PLSCR4: variants seen among roughly 807,000 people sequenced by gnomAD.
The protein encoded by PLSCR4 is Ca(2+)-dependent phospholipid scramblase 4.
PLSCR4 carries 25 observed loss-of-function variants against 36.3 expected under a neutral mutation model. The ratio of observed to expected loss-of-function variants is 0.69; its 90% CI spans 0.50 to 0.96. The LOEUF is 0.96. Among genes scored for constraint, PLSCR4 ranks in the 40% least tolerant of loss-of-function variants. The pLI is 0.00. For synonymous variants in PLSCR4, 122 were observed against 132.9 expected, an observed-to-expected ratio of 0.92 and a Z score of 0.56; for missense variants, 408 against 414.7, an observed-to-expected ratio of 0.98 and a Z score of 0.14.
At chr3:146,248,789 T>A (rs889644557) in intron 1 of PLSCR4, among the ~76,000 whole-genome samples, 5 of 152,200 alleles carry the variant, frequency 3.3e-5, no homozygotes, top group Admixed American at 2.0e-4. Context: ...TGAACATTTG[T>A]AAATCTGAAC....
chr3:146,249,829 C>T (rs191675446), intron 1 of PLSCR4, among the ~76,000 whole-genome samples: 31 of 152,188 alleles, frequency 2.0e-4, no homozygotes, highest in Non-Finnish European at 4.6e-4. Flanking sequence ...ATTGGATTCT[C>T]ATACATACCT....
chr3:146,212,764 G>T (rs111362701), intron 3 of PLSCR4, among the ~76,000 whole-genome samples: 11 of 152,236 alleles, frequency 7.2e-5, no homozygotes, highest in African/African-American at 2.4e-4. Context: ...AATAGAAGTG[G>T]CAAGAAAGAT....
chr3:146,235,608 A>G (rs1206823596), intron 1 of PLSCR4, among the ~76,000 whole-genome samples: 1 of 152,240 alleles, frequency 6.6e-6, no homozygotes, highest in Non-Finnish European at 1.5e-5. Flanking sequence ...TGCTATAAAG[A>G]TACCTGAAAA....
chr3:146,193,243 G>GT lies in PLSCR4; in HGVS notation c.*1167dup, dbSNP rs796839187. The GT allele has an allele frequency of 1.6e-4, 24 of 152,240 alleles. No individual in the cohort carries two copies. Among genetic ancestry groups the GT allele is most frequent in the African/African-American group, 5.5e-4 (23 of 41,534 alleles). 9.4% of individuals were successfully genotyped at this position (152,240 alleles called of 1,614,324 possible). The stretch of plus-strand genomic sequence containing the variant: ...ACCATAGAGAAATAGAATGTTTACT[G>GT]TGTTTTATTATTATTACTCTGTGTA... On this transcript the variant is annotated 3_prime_UTR_variant, in exon 9 of 9. Transcript: ENST00000354952.
At chr3:146,230,609 G>A (rs940544754) in intron 1 of PLSCR4, among the ~76,000 whole-genome samples, 3 of 152,128 alleles carry the variant, frequency 2.0e-5, no homozygotes, top group Non-Finnish European at 4.4e-5. Context: ...ACATGTTGCT[G>A]TGTAACAGAG....
At chr3:146,197,518 CAAAAA>C (rs938587265) in intron 6 of PLSCR4, among the ~76,000 whole-genome samples, 10 of 151,674 alleles carry the variant, frequency 6.6e-5, no homozygotes, top group African/African-American at 2.4e-4. Context: ...TAACAGAAAA[CAAAAA>C]AGAGGCATTT....
intron 1 of PLSCR4, among the ~76,000 whole-genome samples, chr3:146,246,850 CAAG>C (rs937585857): frequency 6.6e-6 from 1 of 152,096 alleles, no homozygotes; most frequent in African/African-American, 2.4e-5. Flanking sequence ...AAATATAATT[CAAG>C]GAGTCGGCAG....
chr3:146,216,567 T>C (rs1179108098), intron 3 of PLSCR4, among the ~76,000 whole-genome samples: 1 of 152,244 alleles, frequency 6.6e-6, no homozygotes, highest in Non-Finnish European at 1.5e-5. Flanking sequence ...ACTATTATTA[T>C]CCTTAATTTA....
chr3:146,202,309 G>T (rs9809892), intron 4 of PLSCR4, among the ~76,000 whole-genome samples: 111,583 of 151,882 alleles, frequency 0.73, 41,317 homozygotes, highest in South Asian at 0.82. Context: ...TCCAGACCAA[G>T]GCAATAAAGC....
At chr3:146,211,659 A>G (rs1037689910) in intron 3 of PLSCR4, among the ~76,000 whole-genome samples, 8 of 152,114 alleles carry the variant, frequency 5.3e-5, no homozygotes, top group Non-Finnish European at 1.2e-4. Flanking sequence ...ATATCTTGTA[A>G]AAGTTTTATA....
chr3:146,250,084 T>A (rs953406841), intron 1 of PLSCR4, among the ~76,000 whole-genome samples: 2 of 152,194 alleles, frequency 1.3e-5, no homozygotes, highest in Non-Finnish European at 2.9e-5. Context: ...CCCCTACCTG[T>A]TGTCACTCGC....
chr3:146,240,443 G>A (rs913003887), intron 1 of PLSCR4, among the ~76,000 whole-genome samples: 3 of 151,880 alleles, frequency 2.0e-5, no homozygotes, highest in Non-Finnish European at 4.4e-5. Context: ...CCGTCTCTAC[G>A]AAAAAATAAA....
intron 1 of PLSCR4, among the ~76,000 whole-genome samples, chr3:146,244,610 TATAAG>T (rs2036273625): frequency 6.6e-6 from 1 of 152,002 alleles, no homozygotes; most frequent in Admixed American, 6.6e-5. Context: ...ACCATGCCTA[TATAAG>T]ATGGTGAACT....
At chr3:146,224,724 C>T (rs182264589) in intron 1 of PLSCR4, among the ~76,000 whole-genome samples, 49 of 152,194 alleles carry the variant, frequency 3.2e-4, no homozygotes, top group African/African-American at 1.2e-3. Flanking sequence ...TGCTTTTATT[C>T]TCTTATCTGG....
intron 1 of PLSCR4, among the ~76,000 whole-genome samples, chr3:146,226,169 A>G (rs2035467429): frequency 6.6e-6 from 1 of 152,256 alleles, no homozygotes; most frequent in Non-Finnish European, 1.5e-5. Context: ...AAGGAACCCT[A>G]AGTTCCTGCC....
intron 3 of PLSCR4, among the ~76,000 whole-genome samples, chr3:146,214,935 T>G (rs1396352325): frequency 2.0e-5 from 3 of 152,134 alleles, no homozygotes; most frequent in Non-Finnish European, 1.5e-5. Flanking sequence ...CAGTTTTACT[T>G]CATATATTTT....
At position 146,194,396 on chromosome 3, in the gene PLSCR4, G is replaced by A. The variant is rs765120579; in HGVS notation, c.*15C>T. 6.3e-7 allele frequency: 1 copy of A among 1,591,856 alleles called. No individual in the cohort carries two copies. The highest frequency in any genetic ancestry group is 1.1e-5 in the South Asian group (1 of 90,464). Reference sequence around the variant, plus strand: ...TTTTCAAAATTAACCATAGTTGATGGCTTGCTGTGTCTCTCTATCTTGAAC... The same window carrying A: ...TTTTCAAAATTAACCATAGTTGATGACTTGCTGTGTCTCTCTATCTTGAAC... On this transcript the variant is annotated 3_prime_UTR_variant, in exon 9 of 9. Coordinates refer to ENST00000354952, the MANE Select transcript of PLSCR4 (RefSeq NM_020353.3).
At position 146,206,510 on chromosome 3, in the gene PLSCR4, T is replaced by G. The variant is rs1202562940; in HGVS notation, c.354+16A>C. ...TCACATTTCATAAGAAAATAATTTG[T>G]ATTTTCATGGAGTACCTGAACTAAG... On this transcript the variant is annotated intron_variant, in intron 4 of 8. Coordinates refer to ENST00000354952, the MANE Select transcript of PLSCR4 (RefSeq NM_020353.3). The G allele has an allele frequency of 1.9e-6, 3 of 1,553,122 alleles. No individual in the cohort carries two copies. The African/African-American group carries it at 4.1e-5, about 21-fold the overall frequency.
At chr3:146,232,955 A>T (rs1304068575) in intron 1 of PLSCR4, among the ~76,000 whole-genome samples, 13 of 78,414 alleles carry the variant, frequency 1.7e-4, no homozygotes, top group Non-Finnish European at 4.5e-4. Flanking sequence ...ACATCTCTGG[A>T]CATACTTTTG....
Sources: gnomAD v4.1 joint callset for allele counts (sites outside exome capture counted in the v4.1 genomes callset) on GRCh38, gnomAD v4.1.1 for gene constraint, MANE v1.5 for transcripts, NCBI Gene and HGNC (gene_info 2026-07-23, HGNC 2026-07-21) for gene names.